The following AKAP12 variants were observed in gnomAD, a reference collection of about 807,000 sequenced individuals.
AKAP12 encodes A-kinase anchoring protein 12.
In AKAP12, 32 loss-of-function variants were observed where a neutral mutation model predicts 79.9. That is an observed-to-expected ratio of 0.40 (90% CI 0.30 to 0.54). AKAP12 has a LOEUF of 0.54. AKAP12 is among the 20% of genes least tolerant of loss of function. The pLI is 0.48. For missense variants in AKAP12, 2,074 were observed against 2,177.0 expected (o/e 0.95, Z 0.94); for synonymous variants, 808 against 857.0 (o/e 0.94, Z 1.00).
chr6:151,276,826 C>T (rs945905411), intron 2 of AKAP12, among the ~76,000 whole-genome samples: 3 of 152,166 alleles, frequency 2.0e-5, no homozygotes, highest in African/African-American at 4.8e-5. Flanking sequence ...TGCCTCTGTC[C>T]CTTTTTCTTG....
chr6:151,312,323 A>G (rs971788378), intron 3 of AKAP12, among the ~76,000 whole-genome samples: 1 of 151,666 alleles, frequency 6.6e-6, no homozygotes, highest in Non-Finnish European at 1.5e-5. Flanking sequence ...GTTTAAAAAA[A>G]TTAGCTGGAC....
Position 151,345,932 on chromosome 6 carries a change from TGAGAGAGA to T in AKAP12, c.320-2754_320-2747del, listed in dbSNP as rs56202215. ...GTGTGTGTGTGTGTGTGTGTGTGTG[TGAGAGAGA>T]GAGAGAGAGAGAGAGAGAGAGAGAA... On this transcript the variant is annotated intron_variant, in intron 3 of 4. Transcript: ENST00000402676. Among the ~76,000 whole-genome samples, 457 of 101,366 alleles carry T rather than the reference TGAGAGAGA, an allele frequency of 4.5e-3. 2 individuals are homozygous for T. The highest frequency in any genetic ancestry group is 0.021 in the East Asian group (82 of 3,816). 66.5% of individuals were successfully genotyped at this position (101,366 alleles called of 152,430 possible).
intron 2 of AKAP12, among the ~76,000 whole-genome samples, chr6:151,279,173 C>T (rs17757494): frequency 0.16 from 24,049 of 152,002 alleles, 2,062 homozygotes; most frequent in Middle Eastern, 0.22. Flanking sequence ...GAACCTGAGT[C>T]GGACTTACTT....
intron 2 of AKAP12, among the ~76,000 whole-genome samples, chr6:151,281,135 C>T (rs776909678): frequency 2.0e-5 from 3 of 152,094 alleles, no homozygotes; most frequent in African/African-American, 7.2e-5. Context: ...GGGGCATGTG[C>T]GTGGTGTTCA....
intron 2 of AKAP12, among the ~76,000 whole-genome samples, chr6:151,278,227 G>GT (rs1456396031): frequency 3.3e-5 from 5 of 151,808 alleles, no homozygotes; most frequent in Non-Finnish European, 5.9e-5. Context: ...GTTTTGTTTT[G>GT]TTTTTTGAGA....
intron 3 of AKAP12, among the ~76,000 whole-genome samples, chr6:151,313,417 G>A (rs1777163562): frequency 6.6e-6 from 1 of 152,238 alleles, no homozygotes. Flanking sequence ...AATAGGCCTT[G>A]AACTTAGGTA....
intron 3 of AKAP12, among the ~76,000 whole-genome samples, chr6:151,337,463 C>T (rs1030240578): frequency 5.5e-5 from 8 of 144,740 alleles, no homozygotes; most frequent in South Asian, 2.2e-4. Context: ...TGCAGTGAGC[C>T]GAGATCGCGC....
Position 151,310,885 on chromosome 6 carries a change from A to G in AKAP12, c.319+4982A>G, listed in dbSNP as rs1777083816. Among the ~76,000 whole-genome samples the G allele has an allele frequency of 2.6e-5, 4 of 152,300 alleles. No individual in the cohort carries two copies. In the South Asian group the frequency reaches 8.3e-4, roughly 32 times the overall value. ...GTACGTACAGCAAACATTTTAAAGC[A>G]TGTGAAAACCAGCTTTTCTCCAACC... is the stretch of plus-strand genomic sequence containing the variant. On this transcript the variant is annotated intron_variant, in intron 3 of 4. Transcript: ENST00000402676.
chr6:151,305,555 T>C (rs939250133), intron 2 of AKAP12, among the ~76,000 whole-genome samples, 192 bp from the exon 3 acceptor site: 2 of 152,146 alleles, frequency 1.3e-5, no homozygotes, highest in Non-Finnish European at 2.9e-5. Context: ...CTTACCCAGA[T>C]ACAAGGCCCT....
chr6:151,320,119 C>G (rs573265721), intron 3 of AKAP12, among the ~76,000 whole-genome samples: 1 of 152,044 alleles, frequency 6.6e-6, no homozygotes, highest in Non-Finnish European at 1.5e-5. Context: ...AGTTGGAGAG[C>G]CTAATATTGG....
intron 2 of AKAP12, among the ~76,000 whole-genome samples, chr6:151,261,095 A>C (rs1797420939): frequency 6.7e-6 from 1 of 149,946 alleles, no homozygotes; most frequent in African/African-American, 2.5e-5. Flanking sequence ...GCATCTAAAA[A>C]CCAATGGTTT....
intron 1 of AKAP12, 60 bp from the exon 2 acceptor site, chr6:151,240,324 C>T (rs534402016): frequency 1.2e-4 from 47 of 388,164 alleles, no homozygotes; most frequent in African/African-American, 9.4e-4. Context: ...AGGGAAAAAC[C>T]GGGGGGAGGG....
chr6:151,351,239 G>T lies in AKAP12; in HGVS notation c.2848G>T (p.Val950Phe). ...AATTGCAGAAGAAGAACCCCCCACG[G>T]TTACTGAACCTCTGCCAGAGAACAG... is the stretch of plus-strand genomic sequence containing the variant. The part of the protein sequence containing the change: ...EVIAEEEPPT[V>F]TEPLPENREA... Residue 950 changes from valine (V) to phenylalanine (F), a missense_variant, in exon 4 of 5, where the codon GTT (valine) becomes TTT (phenylalanine). Val to Phe is a conservative substitution (Grantham distance 50). Transcript: ENST00000402676. The surrounding 1 kb of genome is among the most constrained non-coding windows in gnomAD (Gnocchi z 4.4). 1.9e-6 allele frequency: 3 copies of T among 1,614,216 alleles called. No homozygotes were observed. Among genetic ancestry groups the T allele is most frequent in the Non-Finnish European group, 2.5e-6 (3 of 1,180,046 alleles).
intron 3 of AKAP12, among the ~76,000 whole-genome samples, chr6:151,311,898 A>G (rs191383937): frequency 4.6e-5 from 7 of 152,286 alleles, no homozygotes; most frequent in South Asian, 2.1e-4. Flanking sequence ...CTTTATCTGT[A>G]TAGTAGGCAC....
intron 2 of AKAP12, among the ~76,000 whole-genome samples, chr6:151,241,073 C>T (rs1033674716): frequency 1.3e-5 from 2 of 152,160 alleles, no homozygotes; most frequent in African/African-American, 4.8e-5. Flanking sequence ...AGGAGCTGCG[C>T]GGAGGGGGAT....
At chr6:151,311,775 A>T (rs1777110539) in intron 3 of AKAP12, among the ~76,000 whole-genome samples, 1 of 152,174 alleles carries the variant, frequency 6.6e-6, no homozygotes, top group African/African-American at 2.4e-5. Context: ...GGGAAACAGA[A>T]AGGCCGAAAG....
rs184309370 is a variant in AKAP12, at chr6:151,299,226, G to A, written c.163-6521G>A. On this transcript the variant is annotated intron_variant, in intron 2 of 4. Coordinates refer to ENST00000402676, the MANE Select transcript of AKAP12 (RefSeq NM_005100.4). ...ACATTTGGAGATGATATAAACAGAGGAGTTAAAGCTCCAGCAGTGTGGCCT... is the reference window on the plus strand; with the variant it reads ...ACATTTGGAGATGATATAAACAGAGAAGTTAAAGCTCCAGCAGTGTGGCCT... Among the ~76,000 whole-genome samples, 143 of 152,326 alleles carry A rather than the reference G, an allele frequency of 9.4e-4. 2 individuals are homozygous for A. Among genetic ancestry groups the A allele is most frequent in the South Asian group, 4.2e-3 (20 of 4,818 alleles).
chr6:151,259,334 C>T lies in AKAP12; in HGVS notation c.162+18610C>T, dbSNP rs574929553. 8.0e-4 allele frequency among the ~76,000 whole-genome samples: 122 copies of T among 151,558 alleles called. 2 individuals are homozygous for T. Among genetic ancestry groups the T allele is most frequent in the African/African-American group, 2.2e-3 (92 of 41,392 alleles). ...GTGCTGGGATTACAGGTGTGAGCCA[C>T]GGCGCCCGGCCTATATTTTTTAAAA... is the stretch of plus-strand genomic sequence containing the variant. On this transcript the variant is annotated intron_variant, in intron 2 of 4. Transcript: ENST00000402676.
chr6:151,328,432 T>C (rs981059976), intron 3 of AKAP12, among the ~76,000 whole-genome samples: 1 of 149,508 alleles, frequency 6.7e-6, no homozygotes, highest in Admixed American at 6.7e-5. Flanking sequence ...AGGTCAGGAG[T>C]ACAAGACTAG....
Sources: gnomAD v4.1 joint callset for allele counts (sites outside exome capture counted in the v4.1 genomes callset) on GRCh38, gnomAD v4.1.1 for gene constraint, Gnocchi (gnomAD v3.1) non-coding constraint, MANE v1.5 for transcripts, NCBI Gene and HGNC (gene_info 2026-07-23, HGNC 2026-07-21) for gene names.